The following NEB variants were observed in gnomAD, a reference collection of about 807,000 sequenced individuals.
NEB encodes the protein nemaline myopathy type 2.
Under a neutral mutation model 952.2 loss-of-function variants are expected in NEB, and 512 were observed. The observed-to-expected ratio is 0.54, with a 90% CI of 0.50 to 0.58. The LOEUF is 0.58. Ranked by LOEUF, NEB falls within the 20% of genes least tolerant of loss-of-function variation. The probability of loss-of-function intolerance (pLI) is 0.00; values close to 1 mark genes in which losing one functional copy is unlikely to be tolerated. For missense variants in NEB, 8,428 were observed against 9,231.1 expected (o/e 0.91, Z 3.56); for synonymous variants, 2,900 against 3,149.8 (o/e 0.92, Z 2.66).
At chr2:151,491,857 C>T in intron 178 of NEB, 82 bp from the exon 179 acceptor site, 1 of 1,177,854 alleles carries the variant, frequency 8.5e-7, no homozygotes, top group Non-Finnish European at 1.2e-6. Context: ...TTTTAACAAC[C>T]ACCAAAGGAT....
At chr2:151,662,490 C>T in intron 45 of NEB, 149 bp from the exon 46 acceptor site, 1 of 598,022 alleles carries the variant, frequency 1.7e-6, no homozygotes, top group Non-Finnish European at 2.7e-6. Context: ...TGGTATTTAA[C>T]CAATAGCATG....
rs139376582 is a variant in NEB at position 151,506,074 on chromosome 2, T to G, written c.23649+92A>C. 2.6e-3 allele frequency: 2,848 copies of G among 1,098,966 alleles called. 53 individuals are homozygous for G. In the South Asian group the frequency reaches 0.027, roughly 10 times the overall value. 68.1% of individuals were successfully genotyped at this position (1,098,966 alleles called of 1,614,324 possible). On this transcript the variant is annotated intron_variant, in intron 164 of 181. Transcript: ENST00000397345. ...CTATTTTAGCAATATAAGCTGTTTC[T>G]GGTGACAGAGGCTTTGAGTGCAACT... is the stretch of plus-strand genomic sequence containing the variant.
chr2:151,490,745 A>G (rs2055817732), intron 179 of NEB, among the ~76,000 whole-genome samples: 1 of 152,242 alleles, frequency 6.6e-6, no homozygotes, highest in Non-Finnish European at 1.5e-5. Context: ...TAAGTTGTAC[A>G]GCCAGGTTTC....
chr2:151,691,265 G>A lies in NEB; in HGVS notation c.2212-440C>T, dbSNP rs145541944. On this transcript the variant is annotated intron_variant, in intron 23 of 181. Coordinates refer to ENST00000397345, the MANE Select transcript of NEB (RefSeq NM_001164508.2). ...GCTGAGCTTGTTCTCTCCTTAGGCC[G>A]TTCTTCCCTGCTGCTGTTCCCCTGA... Among the ~76,000 whole-genome samples the A allele has an allele frequency of 7.2e-5, 11 of 152,172 alleles. No homozygotes were observed. In the East Asian group the frequency reaches 1.5e-3, roughly 21 times the overall value.
rs181731062 is a variant in NEB, at chr2:151,523,046, G to A, written c.22479+1265C>T. Among the ~76,000 whole-genome samples the A allele has an allele frequency of 2.2e-4, 33 of 152,170 alleles. No homozygotes were observed. In the East Asian group the frequency reaches 5.2e-3, roughly 24 times the overall value. ...CCTCTTGATTTTCAAAAACAATAAAGTTTTCAAAATTTCAACATCATAGTC... is the reference window on the plus strand; with the variant it reads ...CCTCTTGATTTTCAAAAACAATAAAATTTTCAAAATTTCAACATCATAGTC... On this transcript the variant is annotated intron_variant, in intron 153 of 181. Coordinates refer to ENST00000397345, the MANE Select transcript of NEB (RefSeq NM_001164508.2).
At chr2:151,697,114 G>T (rs1367750334) in intron 16 of NEB, 34 bp downstream of exon 16, 1 of 1,482,524 alleles carries the variant, frequency 6.7e-7, no homozygotes, top group East Asian at 2.3e-5. Flanking sequence ...GCTATGGAAG[G>T]CAGTCACATT....
chr2:151,680,914 G>A (rs1391986974), intron 29 of NEB, 86 bp from the exon 30 acceptor site: 21 of 1,079,848 alleles, frequency 1.9e-5, no homozygotes, highest in Middle Eastern at 2.0e-4. Flanking sequence ...ATTTTGAAGC[G>A]AAAAGGAAGA....
chr2:151,639,455 C>G (rs1261527991), intron 62 of NEB, 71 bp from the exon 63 acceptor site: 2 of 1,106,054 alleles, frequency 1.8e-6, no homozygotes, highest in African/African-American at 3.2e-5. Context: ...TTTAGGGCCA[C>G]AAAAACTTTA....
intron 105 of NEB, among the ~76,000 whole-genome samples, 200 bp downstream of exon 105, chr2:151,579,138 C>A (rs2097031499): frequency 9.5e-6 from 1 of 105,810 alleles, no homozygotes. Context: ...TACACATTAA[C>A]AAATCTATAG....
At position 151,524,587 on chromosome 2, in the gene NEB, G is replaced by A. The variant is rs188004000; in HGVS notation, c.22302C>T (p.Asn7434=). 1 of 1,601,608 alleles carries A rather than the reference G, an allele frequency of 6.2e-7. No individual in the cohort carries two copies. Among genetic ancestry groups the A allele is most frequent in the African/African-American group, 1.4e-5 (1 of 73,220 alleles). The change falls in exon 152 of 182, where the codon AAC becomes AAT. Residue 7434 remains asparagine, a synonymous_variant. Transcript: ENST00000397345. The part of the protein sequence containing the change: ...DVAYRKDAKE[N]LHYTTVADRP... Reference sequence around the variant, plus strand: ...GATCAGCCACTGTGGTGTAATGCAGGTTCTCTTTGGCATCTTTTCTGTAAG... The same window carrying A: ...GATCAGCCACTGTGGTGTAATGCAGATTCTCTTTGGCATCTTTTCTGTAAG...
At position 151,727,921 on chromosome 2, in the gene NEB, T is replaced by G. The variant is rs1011570211; in HGVS notation, c.79-15A>C. On this transcript the variant is annotated splice_polypyrimidine_tract_variant and intron_variant, in intron 4 of 181. Coordinates refer to ENST00000397345, the MANE Select transcript of NEB (RefSeq NM_001164508.2). ...TTTGTTATTGTCTGAAAATTTGATA[T>G]GCAGTTCAACATTGTTGTGAAAGTA... 6.3e-7 allele frequency: 1 copy of G among 1,597,140 alleles called. No individual in the cohort carries two copies.
chr2:151,679,660 G>GGGGCCCC, intron 32 of NEB, 61 bp downstream of exon 32: 2 of 682,636 alleles, frequency 2.9e-6, no homozygotes. Context: ...GTCATCGTCA[G>GGGGCCCC]ACCCCAAGCC....
chr2:151,576,833 C>G lies in NEB; in HGVS notation c.16705-479G>C, dbSNP rs1017473930. 5.3e-5 allele frequency among the ~76,000 whole-genome samples: 8 copies of G among 152,040 alleles called. No individual in the cohort carries two copies. The East Asian group carries it at 1.2e-3, about 22-fold the overall frequency. On this transcript the variant is annotated intron_variant, in intron 105 of 181. Transcript: ENST00000397345. ...TACAGGCATGAGCCACTACGCCAGG[C>G]CTCTTTTATTTTATCTTCCACAAAC...
intron 153 of NEB, among the ~76,000 whole-genome samples, 199 bp downstream of exon 153, chr2:151,524,112 T>C (rs2083856866): frequency 6.6e-6 from 1 of 152,054 alleles, no homozygotes; most frequent in African/African-American, 2.4e-5. Flanking sequence ...AATGGTAAAG[T>C]GGAGAACAAG....
chr2:151,535,742 G>A lies in NEB; in HGVS notation c.21261C>T (p.Ala7087=), dbSNP rs374884826. ...TGAAATGCCTATTGATCGGAGAGTCGGCAACATACTTGAAATCTGACTTTG... is the reference window on the plus strand; with the variant it reads ...TGAAATGCCTATTGATCGGAGAGTCAGCAACATACTTGAAATCTGACTTTG... ...ERTKSDFKYV[A]DSPINRHFKY... is the part of the protein sequence containing the mutation. Residue 7087 remains alanine, a synonymous_variant, in exon 142 of 182, where the codon GCC becomes GCT. Coordinates refer to ENST00000397345, the MANE Select transcript of NEB (RefSeq NM_001164508.2). 1.7e-5 allele frequency: 27 copies of A among 1,608,898 alleles called. No individual in the cohort carries two copies. Among genetic ancestry groups the A allele is most frequent in the Non-Finnish European group, 2.0e-5 (23 of 1,177,334 alleles).
intron 142 of NEB, chr2:151,534,451 T>G (rs766876527): frequency 1.2e-4 from 82 of 710,448 alleles, no homozygotes; most frequent in Admixed American, 1.9e-4. Context: ...CCCAAGACAA[T>G]AAAAACAGGG....
intron 179 of NEB, among the ~76,000 whole-genome samples, 198 bp from the exon 180 acceptor site, chr2:151,490,716 C>T (rs145228169): frequency 6.6e-5 from 10 of 152,290 alleles, no homozygotes; most frequent in African/African-American, 2.2e-4. Context: ...ACGTACATGA[C>T]CAAAGGTCAT....
chr2:151,497,608 C>A lies in NEB; in HGVS notation c.24300+18G>T. 3 of 1,549,932 alleles carry A rather than the reference C, an allele frequency of 1.9e-6. No individual in the cohort carries two copies. The highest frequency in any genetic ancestry group is 2.6e-6 in the Non-Finnish European group (3 of 1,146,198). On this transcript the variant is annotated intron_variant, in intron 171 of 181. Coordinates refer to ENST00000397345, the MANE Select transcript of NEB (RefSeq NM_001164508.2). ...AAATCATTAAATAAGTAGTTTTTTT[C>A]TTTTCTTGCCAAAGTACCGAGCTAA...
chr2:151,637,796 C>G (rs2098790935), intron 63 of NEB, among the ~76,000 whole-genome samples: 4 of 152,188 alleles, frequency 2.6e-5, no homozygotes, highest in Admixed American at 2.0e-4. Context: ...TCAGTCCTTT[C>G]TGACAGGGGA....
Sources: allele counts gnomAD v4.1 joint callset (sites outside exome capture counted in the v4.1 genomes callset), GRCh38; gene constraint gnomAD v4.1.1; transcripts MANE v1.5; gene names NCBI Gene and HGNC (gene_info 2026-07-23, HGNC 2026-07-21).